NUP155: variants seen among roughly 807,000 people sequenced by gnomAD.
NUP155 encodes the protein nuclear pore complex protein Nup155.
A neutral mutation model predicts 180.4 loss-of-function variants in NUP155; 71 were observed. That is an observed-to-expected ratio of 0.39 (90% confidence interval 0.33 to 0.48). The LOEUF is 0.48. Ranked by LOEUF, NUP155 falls within the 20% of genes least tolerant of loss-of-function variation. The pLI, the probability that NUP155 is intolerant of heterozygous loss-of-function variation, is 0.91. For missense variants in NUP155, 1,553 were observed against 1,648.9 expected, an observed-to-expected ratio of 0.94 and a Z score of 1.01; for synonymous variants, 582 against 559.5, an observed-to-expected ratio of 1.04 and a Z score of -0.57.
At chr5:37,352,874 G>T in intron 4 of NUP155, 45 bp from the exon 5 acceptor site, 1 of 1,323,358 alleles carries the variant, frequency 7.6e-7, no homozygotes, top group Non-Finnish European at 1.1e-6. Context: ...CAGCATTTAA[G>T]CACTAACAGA....
Position 37,300,186 on chromosome 5 carries a change from G to T in NUP155, c.3562-618C>A, listed in dbSNP as rs546597478. Among the ~76,000 whole-genome samples, 4 of 152,230 alleles carry T rather than the reference G, an allele frequency of 2.6e-5. No homozygotes were observed. In the East Asian group the frequency reaches 7.7e-4, roughly 29 times the overall value. ...TTCTGTGGGTACACAGTAGGTGTAT[G>T]TATTTATGGGGTACATGAGATGTTC... On this transcript the variant is annotated intron_variant, in intron 30 of 34. Transcript: ENST00000231498.
intron 5 of NUP155, among the ~76,000 whole-genome samples, chr5:37,352,192 C>T (rs1372991589): frequency 1.3e-5 from 2 of 152,096 alleles, no homozygotes; most frequent in Non-Finnish European, 2.9e-5. Context: ...CCTGTCTCTA[C>T]TAAAAATACA....
chr5:37,355,175 C>T (rs1746732962), intron 4 of NUP155, among the ~76,000 whole-genome samples: 1 of 151,872 alleles, frequency 6.6e-6, no homozygotes, highest in Non-Finnish European at 1.5e-5. Flanking sequence ...TCACTTAGGC[C>T]TTGCAAAAAA....
In NUP155 at chr5:37,304,786, G is replaced by C; in HGVS notation, c.3115C>G (p.Leu1039Val). Reference sequence around the variant, plus strand: ...TCGACTTGTATTAGCCAATTATAAAGGGCAATACTAAAGAGCTCATCCTTG... The same window carrying C: ...TCGACTTGTATTAGCCAATTATAAACGGCAATACTAAAGAGCTCATCCTTG... The part of the protein sequence containing the change: ...RSKDELFSIA[L>V]YNWLIQVDLA... The change falls in exon 27 of 35, where the codon CTT (leucine) becomes GTT (valine). Residue 1039 changes from leucine to valine, a missense_variant. Physicochemically the swap from Leu to Val is conservative, Grantham distance 32. Coordinates refer to ENST00000231498, the MANE Select transcript of NUP155 (RefSeq NM_153485.3). 1 of 1,613,838 alleles carries C rather than the reference G, an allele frequency of 6.2e-7. No homozygotes were observed. Among genetic ancestry groups the C allele is most frequent in the Non-Finnish European group, 8.5e-7 (1 of 1,179,848 alleles).
chr5:37,357,505 T>C (rs535712996), intron 4 of NUP155, among the ~76,000 whole-genome samples: 3 of 150,880 alleles, frequency 2.0e-5, no homozygotes, highest in South Asian at 4.2e-4. Context: ...AAATCTATAG[T>C]GCAAAACCTT....
intron 29 of NUP155, among the ~76,000 whole-genome samples, chr5:37,302,513 C>T (rs541609880): frequency 6.6e-5 from 10 of 152,334 alleles, no homozygotes; most frequent in Non-Finnish European, 1.3e-4. Flanking sequence ...GGATTACAGG[C>T]GTGAGCCACT....
chr5:37,326,280 T>C (rs1007400678), intron 18 of NUP155, among the ~76,000 whole-genome samples: 2 of 152,208 alleles, frequency 1.3e-5, no homozygotes, highest in Admixed American at 1.3e-4. Context: ...AATGAAATCA[T>C]ACATCTCAAA....
chr5:37,368,173 T>C (rs113444593), intron 1 of NUP155, among the ~76,000 whole-genome samples: 5 of 147,776 alleles, frequency 3.4e-5, no homozygotes, highest in South Asian at 2.2e-4. Flanking sequence ...AGGTCCCAAA[T>C]TGCTAGGATT....
At chr5:37,338,828 A>G (rs576423244) in intron 11 of NUP155, among the ~76,000 whole-genome samples, 1 of 152,216 alleles carries the variant, frequency 6.6e-6, no homozygotes, top group South Asian at 2.1e-4. Context: ...TCTCAGATAA[A>G]CATTTTTTTT....
intron 21 of NUP155, among the ~76,000 whole-genome samples, chr5:37,315,333 G>T (rs1743814313): frequency 6.6e-6 from 1 of 152,148 alleles, no homozygotes; most frequent in Non-Finnish European, 1.5e-5. Flanking sequence ...GGCACAAAAA[G>T]TTCATGCAAT....
At chr5:37,359,185 TA>T (rs1747042240) in intron 3 of NUP155, among the ~76,000 whole-genome samples, 1 of 148,960 alleles carries the variant, frequency 6.7e-6, no homozygotes, top group Non-Finnish European at 1.5e-5. Context: ...ATTGAATATA[TA>T]AAAATATTTT....
At chr5:37,305,585 G>A (rs1743109299) in intron 25 of NUP155, among the ~76,000 whole-genome samples, 1 of 152,252 alleles carries the variant, frequency 6.6e-6, no homozygotes, top group South Asian at 2.1e-4. Context: ...AGGTGAGTGA[G>A]GCACAAGAAT....
At chr5:37,365,956 T>TA (rs1747560779) in intron 1 of NUP155, among the ~76,000 whole-genome samples, 1 of 151,466 alleles carries the variant, frequency 6.6e-6, no homozygotes, top group Non-Finnish European at 1.5e-5. Context: ...TGGGGGAAAA[T>TA]ACTGCCTTTA....
chr5:37,363,949 G>C lies in NUP155; in HGVS notation c.331C>G (p.Pro111Ala), dbSNP rs765665525. The C allele has an allele frequency of 1.2e-6, 2 of 1,613,876 alleles. No homozygotes were observed. The highest frequency in any genetic ancestry group is 3.3e-5 in the Admixed American group (2 of 60,010). The change falls in exon 3 of 35, where the codon CCT becomes GCT. Residue 111 changes from proline (P) to alanine (A), a missense_variant. Transcript: ENST00000231498. ...ATTGTGAGCCAAGCTCTGCTGATAGGAGGGAACACACCCATCATGCAATTA... is the reference window on the plus strand; with the variant it reads ...ATTGTGAGCCAAGCTCTGCTGATAGCAGGGAACACACCCATCATGCAATTA... ...QCNCMMGVFP[P>A]ISRAWLTIDS...
intron 30 of NUP155, among the ~76,000 whole-genome samples, chr5:37,300,081 T>C (rs1329180631): frequency 1.3e-5 from 2 of 151,530 alleles, no homozygotes; most frequent in African/African-American, 2.4e-5. Context: ...CATTTTAGCA[T>C]GTAGAGCTTT....
chr5:37,302,090 G>C (rs1581132996), intron 29 of NUP155, among the ~76,000 whole-genome samples: 1 of 152,246 alleles, frequency 6.6e-6, no homozygotes, highest in East Asian at 1.9e-4. Flanking sequence ...TTTTGTATTT[G>C]GACGATGGTA....
At chr5:37,303,134 A>G in intron 28 of NUP155, 126 bp downstream of exon 28, 1 of 1,109,664 alleles carries the variant, frequency 9.0e-7, no homozygotes, top group Non-Finnish European at 1.3e-6. Flanking sequence ...AAAAAGTAAC[A>G]TCCTATTTAA....
chr5:37,350,477 G>C (rs1746382156), intron 6 of NUP155, among the ~76,000 whole-genome samples: 1 of 152,040 alleles, frequency 6.6e-6, no homozygotes, highest in Admixed American at 6.6e-5. Context: ...ATACTGACAA[G>C]GAAAGAATTT....
At chr5:37,329,158 G>C in intron 16 of NUP155, 32 bp downstream of exon 16, 1 of 1,517,152 alleles carries the variant, frequency 6.6e-7, no homozygotes, top group Non-Finnish European at 9.2e-7. Context: ...CAAACGATTA[G>C]AAACAATTTC....
Sources: gnomAD v4.1 joint callset for allele counts (sites outside exome capture counted in the v4.1 genomes callset) on GRCh38, gnomAD v4.1.1 for gene constraint, MANE v1.5 for transcripts, NCBI Gene and HGNC (gene_info 2026-07-23, HGNC 2026-07-21) for gene names.